Variants in SYT16 observed in about 807,000 individuals in gnomAD.
The protein encoded by SYT16 is synaptotagmin 16.
Under a neutral mutation model 61.4 loss-of-function variants are expected in SYT16, and 42 were observed. The ratio of observed to expected loss-of-function variants is 0.68; its 90% CI spans 0.53 to 0.89. The LOEUF is 0.89. SYT16 is among the 40% of genes least tolerant of loss of function. The pLI is 0.00. For synonymous variants in SYT16, 314 were observed against 302.3 expected, an observed-to-expected ratio of 1.04 and a Z score of -0.40; for missense variants, 804 against 807.3, an observed-to-expected ratio of 1.00 and a Z score of 0.05.
At chr14:61,858,120 C>CAAAAAAAAAAAAAAAAAAAAAAAAAAAAA (rs34781118) in intron 1 of SYT16, among the ~76,000 whole-genome samples, 1 of 43,224 alleles carries the variant, frequency 2.3e-5, no homozygotes, top group Admixed American at 3.7e-4. Context: ...CACAGCTTGG[C>CAAAAAAAAAAAAAAAAAAAAAAAAAAAAA]AAAAAAAAAA....
intron 1 of SYT16, among the ~76,000 whole-genome samples, chr14:61,877,323 G>A (rs902909537): frequency 6.6e-5 from 10 of 152,124 alleles, no homozygotes; most frequent in African/African-American, 1.9e-4. Flanking sequence ...CCCACAGTCC[G>A]ACAGTTAGGT....
rs80072588 is a variant in SYT16 at position 62,069,408 on chromosome 14, C to A, written c.524-195C>A. Reference sequence around the variant, plus strand: ...TAGCTATATACCGTATTTCTAATTACCTTCATGAGCATTCTTTGCTTTGGA... The same window carrying A: ...TAGCTATATACCGTATTTCTAATTAACTTCATGAGCATTCTTTGCTTTGGA... On this transcript the variant is annotated intron_variant, in intron 3 of 7. Coordinates refer to ENST00000683842, the MANE Select transcript of SYT16 (RefSeq NM_001367656.1). 9.6e-3 allele frequency: 5,711 copies of A among 593,744 alleles called. 49 individuals are homozygous for A. Among genetic ancestry groups the A allele is most frequent in the Admixed American group, 0.024 (802 of 33,262 alleles). 36.8% of individuals were successfully genotyped at this position (593,744 alleles called of 1,614,324 possible).
intron 3 of SYT16, among the ~76,000 whole-genome samples, chr14:62,025,665 A>T (rs1481185805): frequency 1.3e-5 from 2 of 151,952 alleles, no homozygotes; most frequent in South Asian, 2.1e-4. Context: ...TTTTTTCATA[A>T]TTTTTTGTAT....
Position 61,891,853 on chromosome 14 carries a change from T to C in SYT16, c.-324-78279T>C, listed in dbSNP as rs184105691. 1.4e-4 allele frequency among the ~76,000 whole-genome samples: 21 copies of C among 152,362 alleles called. No homozygotes were observed. In the East Asian group the frequency reaches 4.0e-3, roughly 29 times the overall value. On this transcript the variant is annotated intron_variant, in intron 1 of 7. Transcript: ENST00000683842. ...GTCAGTTCTTGCTGGCTGTGTTATA[T>C]AATTATGTGTCCATGTTTTGACACA...
chr14:62,033,030 G>T (rs1423768644), intron 3 of SYT16, among the ~76,000 whole-genome samples: 3 of 149,288 alleles, frequency 2.0e-5, no homozygotes, highest in Admixed American at 6.7e-5. Context: ...TGAAATTAAG[G>T]TACCACTGAA....
Position 62,105,936 on chromosome 14 carries a change from G to C in SYT16, c.*5229G>C, listed in dbSNP as rs1387930049. ...AGAATCACTTAGCTTAGGGCTTTTA[G>C]TAGGGAATAATTAAACATGTAGGGA... On this transcript the variant is annotated 3_prime_UTR_variant, in exon 8 of 8. Transcript: ENST00000683842. The C allele has an allele frequency of 6.6e-6, 1 of 152,188 alleles. No homozygotes were observed. Among genetic ancestry groups the C allele is most frequent in the Non-Finnish European group, 1.5e-5 (1 of 68,032 alleles). 9.4% of individuals were successfully genotyped at this position (152,188 alleles called of 1,614,324 possible).
intron 3 of SYT16, among the ~76,000 whole-genome samples, chr14:62,012,564 G>T (rs2053511475): frequency 6.6e-6 from 1 of 152,182 alleles, no homozygotes; most frequent in Admixed American, 6.5e-5. Flanking sequence ...GGCACCAAAG[G>T]CATGGACACT....
At chr14:62,091,189 G>A (rs1280829133) in intron 7 of SYT16, among the ~76,000 whole-genome samples, 1 of 152,190 alleles carries the variant, frequency 6.6e-6, no homozygotes, top group Non-Finnish European at 1.5e-5. Flanking sequence ...AACATTAATG[G>A]AAACCAGAGG....
At chr14:62,004,601 G>A (rs572010159) in intron 3 of SYT16, among the ~76,000 whole-genome samples, 2 of 152,258 alleles carry the variant, frequency 1.3e-5, no homozygotes, top group South Asian at 4.1e-4. Flanking sequence ...ATAGTAGCTT[G>A]TAAGAAGGAA....
intron 3 of SYT16, among the ~76,000 whole-genome samples, chr14:62,011,137 G>A (rs539889084): frequency 2.0e-5 from 3 of 152,216 alleles, no homozygotes; most frequent in South Asian, 4.1e-4. Context: ...GGAATTTCTC[G>A]GTTTCTTATA....
chr14:61,875,583 C>T (rs2047461120), intron 1 of SYT16, among the ~76,000 whole-genome samples: 1 of 152,174 alleles, frequency 6.6e-6, no homozygotes, highest in South Asian at 2.1e-4. Context: ...TTAAAAGATG[C>T]TGCTTGGTTC....
chr14:61,897,441 G>C (rs897307042), intron 1 of SYT16: 3 of 152,160 alleles, frequency 2.0e-5, no homozygotes, highest in African/African-American at 7.2e-5. Context: ...CCAGTGCATG[G>C]TGCTGTGTCA....
chr14:61,993,268 TG>T (rs1473009046), intron 2 of SYT16, among the ~76,000 whole-genome samples: 2 of 104,180 alleles, frequency 1.9e-5, no homozygotes, highest in Non-Finnish European at 4.0e-5. Context: ...TGTGGGGGTG[TG>T]GGGGGCAAGG....
chr14:62,012,897 A>G (rs1397140715), intron 3 of SYT16, among the ~76,000 whole-genome samples: 4 of 152,228 alleles, frequency 2.6e-5, no homozygotes, highest in African/African-American at 9.6e-5. Context: ...ACTGCAGGGA[A>G]ACTCACATTA....
At chr14:62,088,138 A>C (rs1228603301) in intron 7 of SYT16, among the ~76,000 whole-genome samples, 1 of 152,230 alleles carries the variant, frequency 6.6e-6, no homozygotes, top group African/African-American at 2.4e-5. Context: ...GTCAAAAAAG[A>C]AAAAAAGACC....
chr14:61,980,068 A>T (rs1238620484), intron 2 of SYT16, among the ~76,000 whole-genome samples: 2 of 152,198 alleles, frequency 1.3e-5, no homozygotes, highest in Non-Finnish European at 2.9e-5. Flanking sequence ...AAATAATAGG[A>T]TACATAAAAT....
chr14:61,935,972 G>T (rs1248445529), intron 1 of SYT16, among the ~76,000 whole-genome samples: 1 of 152,188 alleles, frequency 6.6e-6, no homozygotes, highest in African/African-American at 2.4e-5. Flanking sequence ...TTAGCTCTGA[G>T]AAACTTGTGT....
rs564144087 is a variant in SYT16, at chr14:61,836,745, G to A, written c.-325+23935G>A. On this transcript the variant is annotated intron_variant, in intron 1 of 7. Transcript: ENST00000683842. ...AGCTTACAGAATTGATGAGAGGGCC[G>A]GGGAAACAAGCTTGTTAGCCATTCA... 9.2e-5 allele frequency among the ~76,000 whole-genome samples: 14 copies of A among 152,274 alleles called. No homozygotes were observed. In the East Asian group the frequency reaches 1.4e-3, roughly 15 times the overall value.
At chr14:62,030,738 A>G (rs2054281663) in intron 3 of SYT16, among the ~76,000 whole-genome samples, 1 of 152,372 alleles carries the variant, frequency 6.6e-6, no homozygotes. Context: ...AGAGTGTATT[A>G]TCATTGATTG....
Sources: gnomAD v4.1 joint callset for allele counts (sites outside exome capture counted in the v4.1 genomes callset) on GRCh38, gnomAD v4.1.1 for gene constraint, MANE v1.5 for transcripts, NCBI Gene and HGNC (gene_info 2026-07-23, HGNC 2026-07-21) for gene names.